SLC11A2: variants seen among roughly 807,000 people sequenced by gnomAD.
SLC11A2 encodes natural resistance-associated macrophage protein 2.
A neutral mutation model predicts 68.0 loss-of-function variants in SLC11A2; 38 were observed. The ratio of observed to expected loss-of-function variants is 0.56; its 90% confidence interval spans 0.43 to 0.73. The LOEUF (loss-of-function observed/expected upper bound fraction) is 0.73, where lower values mean the gene tolerates loss of function less well. Among genes scored for constraint, SLC11A2 ranks in the 30% least tolerant of loss-of-function variants. The probability of loss-of-function intolerance (pLI) is 0.00; values close to 1 mark genes in which losing one functional copy is unlikely to be tolerated. For missense variants in SLC11A2, 517 were observed against 690.5 expected (o/e 0.75, Z 2.82); for synonymous variants, 242 against 250.6 (o/e 0.97, Z 0.32).
At chr12:50,955,154 A>G in the SLC11A2 span, among the ~76,000 whole-genome samples, 4 of 152,132 alleles carry the variant, frequency 2.6e-5, no homozygotes, top group Admixed American at 2.0e-4. Context: ...TTGGCTGGGC[A>G]TTGTGGCACA....
At chr12:50,962,360 G>A in the SLC11A2 span, among the ~76,000 whole-genome samples, 20 of 151,924 alleles carry the variant, frequency 1.3e-4, no homozygotes, top group African/African-American at 2.2e-4. Context: ...GCAGTGAGCC[G>A]AGATCATGCC....
chr12:50,957,648 G>GC, the SLC11A2 span, among the ~76,000 whole-genome samples: 1 of 151,860 alleles, frequency 6.6e-6, no homozygotes, highest in African/African-American at 2.4e-5. Flanking sequence ...ACTTTGGGAG[G>GC]CCGAGGTGGG....
At chr12:51,023,168 T>C (rs1944157661) in intron 1 of SLC11A2, among the ~76,000 whole-genome samples, 1 of 152,246 alleles carries the variant, frequency 6.6e-6, no homozygotes, top group African/African-American at 2.4e-5. Flanking sequence ...ATGGCAAGGC[T>C]GGGCGCAGTG....
intron 3 of SLC11A2, 33 bp from the exon 4 acceptor site, chr12:51,005,469 C>T: frequency 2.5e-6 from 4 of 1,611,728 alleles, no homozygotes; most frequent in Non-Finnish European, 8.5e-7. Flanking sequence ...TTAAACTGAA[C>T]ATCACCATTG....
intron 1 of SLC11A2, among the ~76,000 whole-genome samples, chr12:51,017,337 A>C (rs1943734664): frequency 6.6e-6 from 1 of 152,228 alleles, no homozygotes; most frequent in Non-Finnish European, 1.5e-5. Flanking sequence ...ATAGGATACA[A>C]TCTCTAAAAT....
intron 5 of SLC11A2, among the ~76,000 whole-genome samples, chr12:51,002,731 G>A (rs965299050): frequency 6.6e-6 from 1 of 150,936 alleles, no homozygotes; most frequent in African/African-American, 2.4e-5. Flanking sequence ...CACGAGGTCA[G>A]GAGTTTGAGA....
intron 8 of SLC11A2, 106 bp downstream of exon 8, chr12:50,999,068 T>C (rs569489073): frequency 9.2e-6 from 9 of 974,714 alleles, no homozygotes; most frequent in Admixed American, 4.4e-5. Flanking sequence ...ACACCCACTA[T>C]AAGTGAATCA....
Position 51,010,744 on chromosome 12 carries a change from G to A in SLC11A2, c.-16C>T. 3 of 1,603,332 alleles carry A rather than the reference G, an allele frequency of 1.9e-6. No individual in the cohort carries two copies. The highest frequency in any genetic ancestry group is 8.5e-7 in the Non-Finnish European group (1 of 1,171,606). On this transcript the variant is annotated 5_prime_UTR_variant, in exon 2 of 16. Coordinates refer to ENST00000262052, the MANE Select transcript of SLC11A2 (RefSeq NM_000617.3). ...CCAGCACCATGGTGGATACCTGAGTGGCTGAGTTCTTAGAATATGATTCTG... is the reference window on the plus strand; with the variant it reads ...CCAGCACCATGGTGGATACCTGAGTAGCTGAGTTCTTAGAATATGATTCTG...
At chr12:50,952,362 A>G in the SLC11A2 span, among the ~76,000 whole-genome samples, 23 of 152,208 alleles carry the variant, frequency 1.5e-4, no homozygotes, top group African/African-American at 3.4e-4. Context: ...GGACTTTTCT[A>G]TAAGTCTGAA....
the SLC11A2 span, among the ~76,000 whole-genome samples, chr12:50,961,459 C>T: frequency 0.13 from 19,632 of 152,052 alleles, 1,736 homozygotes; most frequent in East Asian, 0.42. Flanking sequence ...GAGCAGCGAT[C>T]GTATTTCCCA....
the SLC11A2 span, among the ~76,000 whole-genome samples, chr12:50,964,532 CT>C: frequency 3.3e-5 from 5 of 152,210 alleles, no homozygotes; most frequent in African/African-American, 1.2e-4. Flanking sequence ...AAGGGATGTC[CT>C]GTGTAATGAA....
At chr12:51,026,587 C>T (rs921092038), upstream of SLC11A2, among the ~76,000 whole-genome samples, 3 of 152,056 alleles carry the variant, frequency 2.0e-5, no homozygotes, top group African/African-American at 7.2e-5. Flanking sequence ...TGCCTAGTTG[C>T]TGCTTGCGTT....
intron 1 of SLC11A2, among the ~76,000 whole-genome samples, chr12:51,018,006 T>C (rs1330555681): frequency 1.3e-5 from 2 of 152,240 alleles, no homozygotes; most frequent in African/African-American, 4.8e-5. Context: ...CTAGCTATAA[T>C]AAATTCTAAC....
intron 1 of SLC11A2, among the ~76,000 whole-genome samples, chr12:51,011,552 G>GTTTTTTTTTTTTTT (rs772957287): frequency 2.4e-5 from 3 of 125,240 alleles, no homozygotes; most frequent in Non-Finnish European, 3.3e-5. Flanking sequence ...TTTATGAGTT[G>GTTTTTTTTTTTTTT]TTTTTTTTTG....
the SLC11A2 span, among the ~76,000 whole-genome samples, chr12:50,966,773 A>G: frequency 2.0e-5 from 3 of 151,852 alleles, no homozygotes; most frequent in Admixed American, 6.6e-5. Flanking sequence ...ACATCTTCCC[A>G]ATTTTCAGTG....
chr12:50,977,947 C>A (rs1424288363), downstream of SLC11A2, among the ~76,000 whole-genome samples: 1 of 152,080 alleles, frequency 6.6e-6, no homozygotes, highest in South Asian at 2.1e-4. Context: ...CAATGAGATA[C>A]CATCTCACAC....
At chr12:51,005,726 A>C (rs752205673) in intron 3 of SLC11A2, 297 of 1,292,334 alleles carry the variant, frequency 2.3e-4, no homozygotes, top group Admixed American at 5.7e-4. Flanking sequence ...AACACTTCCC[A>C]AAAAGGACAA....
chr12:51,009,177 CA>C (rs1943001260), intron 2 of SLC11A2: 25 of 1,500,070 alleles, frequency 1.7e-5, no homozygotes, highest in Non-Finnish European at 2.1e-5. Context: ...GTGCAAGTTA[CA>C]AAATCCTGCC....
Position 51,000,444 on chromosome 12 carries a change from A to C in SLC11A2, c.430-25T>G, listed in dbSNP as rs202064025. The C allele has an allele frequency of 4.3e-4, 669 of 1,541,144 alleles. 1 individual carries two copies. The highest frequency in any genetic ancestry group is 2.4e-4 in the Non-Finnish European group (271 of 1,113,514). ...CCTAAACATCAAACAGTAGAAAGAC[A>C]CGGTTCTGATTAATCATTTCTAAAA... On this transcript the variant is annotated intron_variant, in intron 5 of 15. Transcript: ENST00000262052.
Sources: gnomAD v4.1 joint callset for allele counts (sites outside exome capture counted in the v4.1 genomes callset) on GRCh38, gnomAD v4.1.1 for gene constraint, MANE v1.5 for transcripts, NCBI Gene and HGNC (gene_info 2026-07-23, HGNC 2026-07-21) for gene names.